TMPRSS12: variants seen among roughly 807,000 people sequenced by gnomAD.
TMPRSS12 encodes transmembrane serine protease 12.
Under a neutral mutation model 26.0 loss-of-function variants are expected in TMPRSS12, and 25 were observed. The observed-to-expected ratio is 0.96, with a 90% CI of 0.70 to 1.34. The LOEUF (loss-of-function observed/expected upper bound fraction) is 1.34, where lower values mean the gene tolerates loss of function less well. TMPRSS12 is among the 40% of genes most tolerant of loss of function. TMPRSS12 has a pLI of 0.00. For missense variants in TMPRSS12, 441 were observed against 440.1 expected, an observed-to-expected ratio of 1.00 and a Z score of -0.02; for synonymous variants, 150 against 161.7, an observed-to-expected ratio of 0.93 and a Z score of 0.55.
At chr12:50,860,688 TA>T (rs1937926463) in intron 3 of TMPRSS12, among the ~76,000 whole-genome samples, 2 of 151,482 alleles carry the variant, frequency 1.3e-5, no homozygotes, top group Admixed American at 1.3e-4. Context: ...TGGCTCACTG[TA>T]ACCTTTACCT....
At chr12:50,843,510 T>TCTCGA (rs1363380731) in intron 1 of TMPRSS12, among the ~76,000 whole-genome samples, 3 of 152,194 alleles carry the variant, frequency 2.0e-5, no homozygotes, top group Non-Finnish European at 4.4e-5. Flanking sequence ...AATTTGCGGC[T>TCTCGA]CTCGACTCAC....
At chr12:50,856,887 G>A (rs998887198) in intron 2 of TMPRSS12, among the ~76,000 whole-genome samples, 8 of 151,648 alleles carry the variant, frequency 5.3e-5, no homozygotes, top group African/African-American at 1.9e-4. Context: ...ACAGGGTTTC[G>A]CCATGTTGCC....
intron 3 of TMPRSS12, among the ~76,000 whole-genome samples, chr12:50,872,489 T>A (rs1433127593): frequency 6.0e-4 from 67 of 110,854 alleles, no homozygotes; most frequent in African/African-American, 2.3e-3. Flanking sequence ...GTCCGCAGTC[T>A]GGCCTGGGCG....
rs1001479562 is a variant in TMPRSS12, at chr12:50,887,309, A to G, written c.843A>G (p.Arg281=). 4 of 1,613,794 alleles carry G rather than the reference A, an allele frequency of 2.5e-6. No homozygotes were observed. The African/African-American group carries it at 4.0e-5, about 16-fold the overall frequency. The change falls in exon 5 of 5, where the codon AGA becomes AGG. Residue 281 remains arginine, a synonymous_variant. Coordinates refer to ENST00000398458, the MANE Select transcript of TMPRSS12 (RefSeq NM_182559.3). ...PLMCYLPEYK[R]FFVMGITSYG... ...TGTGCTACTTACCAGAATATAAAAG[A>G]TTTTTTGTAATGGGAATTACCAGTT...
At chr12:50,878,919 C>T (rs925443641) in intron 3 of TMPRSS12, among the ~76,000 whole-genome samples, 1 of 152,116 alleles carries the variant, frequency 6.6e-6, no homozygotes, top group Non-Finnish European at 1.5e-5. Context: ...GAGATTAGTG[C>T]CCTTATATGA....
intron 3 of TMPRSS12, among the ~76,000 whole-genome samples, chr12:50,863,709 G>A (rs1937960388): frequency 6.6e-6 from 1 of 152,108 alleles, no homozygotes; most frequent in Non-Finnish European, 1.5e-5. Context: ...ACAATGAAAT[G>A]ACAAAATTAT....
chr12:50,866,441 A>G (rs1937991513), intron 3 of TMPRSS12, among the ~76,000 whole-genome samples: 2 of 151,608 alleles, frequency 1.3e-5, no homozygotes, highest in Admixed American at 1.3e-4. Flanking sequence ...TGACCTGGGC[A>G]CCTCACCCCC....
At chr12:50,881,160 T>G (rs1272148971) in intron 3 of TMPRSS12, among the ~76,000 whole-genome samples, 2 of 151,908 alleles carry the variant, frequency 1.3e-5, no homozygotes, top group Admixed American at 1.3e-4. Context: ...TTTTTATATT[T>G]TTAGTAGAGA....
At chr12:50,860,677 A>G (rs1443242599) in intron 3 of TMPRSS12, among the ~76,000 whole-genome samples, 2 of 152,074 alleles carry the variant, frequency 1.3e-5, no homozygotes, top group Admixed American at 6.6e-5. Context: ...GGACACGATC[A>G]TGGCTCACTG....
intron 2 of TMPRSS12, among the ~76,000 whole-genome samples, chr12:50,850,096 A>G (rs1243007313): frequency 6.6e-6 from 1 of 152,152 alleles, no homozygotes; most frequent in Non-Finnish European, 1.5e-5. Flanking sequence ...TTTATTGCTG[A>G]ACAGTATTGC....
chr12:50,849,707 C>T (rs1379550939), intron 2 of TMPRSS12, among the ~76,000 whole-genome samples: 3 of 151,070 alleles, frequency 2.0e-5, no homozygotes, highest in Non-Finnish European at 2.9e-5. Context: ...TTTTGTGTGT[C>T]AGTAGATCAT....
intron 2 of TMPRSS12, among the ~76,000 whole-genome samples, chr12:50,849,237 ATGT>A (rs1271743063): frequency 6.6e-6 from 1 of 152,158 alleles, no homozygotes; most frequent in Non-Finnish European, 1.5e-5. Context: ...GAGAAAGAAT[ATGT>A]TGTAGTCCAG....
chr12:50,870,110 C>G (rs1938028308), intron 3 of TMPRSS12, among the ~76,000 whole-genome samples: 2 of 151,978 alleles, frequency 1.3e-5, no homozygotes, highest in Non-Finnish European at 2.9e-5. Flanking sequence ...AGGAGAATTG[C>G]TTGAACCCGG....
chr12:50,868,865 T>C (rs1441119165), intron 3 of TMPRSS12, among the ~76,000 whole-genome samples: 4 of 152,008 alleles, frequency 2.6e-5, no homozygotes, highest in African/African-American at 9.7e-5. Context: ...CATGCAAATA[T>C]ATGGAAATTA....
intron 3 of TMPRSS12, among the ~76,000 whole-genome samples, chr12:50,859,911 T>C (rs2139725741): frequency 6.6e-6 from 1 of 152,340 alleles, no homozygotes; most frequent in South Asian, 2.1e-4. Flanking sequence ...TGTTTCACTC[T>C]GTGTATTTTT....
intron 3 of TMPRSS12, among the ~76,000 whole-genome samples, chr12:50,861,035 G>T (rs535680305): frequency 8.5e-5 from 13 of 152,112 alleles, no homozygotes; most frequent in Admixed American, 2.6e-4. Context: ...TGAGCACCAT[G>T]CCTGTCCTGG....
intron 2 of TMPRSS12, among the ~76,000 whole-genome samples, chr12:50,855,464 A>G (rs1937867042): frequency 6.6e-6 from 1 of 152,224 alleles, no homozygotes; most frequent in Non-Finnish European, 1.5e-5. Flanking sequence ...AATGCTCAAC[A>G]TCACTAATCA....
chr12:50,871,522 G>A (rs753373473), intron 3 of TMPRSS12, among the ~76,000 whole-genome samples: 3 of 152,174 alleles, frequency 2.0e-5, no homozygotes, highest in African/African-American at 4.8e-5. Context: ...AACCCTTCTA[G>A]ATATTGGCTT....
In TMPRSS12 at chr12:50,843,034, T is replaced by C. The variant is rs967813618; in HGVS notation, c.70T>C (p.Ser24Pro). 4 of 1,606,056 alleles carry C rather than the reference T, an allele frequency of 2.5e-6. No individual in the cohort carries two copies. Among genetic ancestry groups the C allele is most frequent in the East Asian group, 4.5e-5 (2 of 44,616 alleles). Reference sequence around the variant, plus strand: ...CTCTCACTTATACTCAGACCACTACTCGCCCTCTGGAAGGCACAGGCTCGG... The same window carrying C: ...CTCTCACTTATACTCAGACCACTACCCGCCCTCTGGAAGGCACAGGCTCGG... Reference protein sequence around the residue: ...GSSHLYSDHYSPSGRHRLGPS... With the variant: ...GSSHLYSDHYPPSGRHRLGPS... The change falls in exon 1 of 5, where the codon TCG becomes CCG. Residue 24 changes from serine (S) to proline (P), a missense_variant. Physicochemically the swap from Ser to Pro is moderately conservative, Grantham distance 74. Transcript: ENST00000398458.
Sources: allele counts gnomAD v4.1 joint callset (sites outside exome capture counted in the v4.1 genomes callset), GRCh38; gene constraint gnomAD v4.1.1; transcripts MANE v1.5; gene names NCBI Gene and HGNC (gene_info 2026-07-23, HGNC 2026-07-21).